The following GABBR2 variants were observed in gnomAD, a reference collection of about 807,000 sequenced individuals.
GABBR2 encodes G-protein coupled receptor 51.
GABBR2 carries 23 observed loss-of-function variants against 105.6 expected under a neutral mutation model. The ratio of observed to expected loss-of-function variants is 0.22; its 90% CI spans 0.16 to 0.31. The LOEUF (loss-of-function observed/expected upper bound fraction) is 0.31, where lower values mean the gene tolerates loss of function less well. Among genes scored for constraint, GABBR2 ranks in the 10% least tolerant of loss-of-function variants. The pLI is 1.00. For missense variants in GABBR2, 734 were observed against 1,245.5 expected (o/e 0.59, Z 6.18); for synonymous variants, 478 against 499.7 (o/e 0.96, Z 0.58).
In GABBR2 at chr9:98,462,095, G is replaced by GA. The variant is rs147833471; in HGVS notation, c.1000-7879dup. 8.9e-3 allele frequency among the ~76,000 whole-genome samples: 1,353 copies of GA among 152,246 alleles called. 20 individuals are homozygous for GA. Among genetic ancestry groups the GA allele is most frequent in the African/African-American group, 0.031 (1,278 of 41,548 alleles). On this transcript the variant is annotated intron_variant, in intron 6 of 18. Transcript: ENST00000259455. ...AATCATCAAGACAGGGTGATTTTCA[G>GA]AAAAAACTAAAATAACAAAACCAAA...
At chr9:98,607,919 A>G (rs1032577129) in intron 1 of GABBR2, 11 of 1,445,618 alleles carry the variant, frequency 7.6e-6, no homozygotes, top group Admixed American at 3.9e-5. Flanking sequence ...ATGAAGGTCA[A>G]AGAAAAAGTT....
intron 13 of GABBR2, among the ~76,000 whole-genome samples, chr9:98,332,152 T>A (rs1831038624): frequency 6.6e-6 from 1 of 152,148 alleles, no homozygotes; most frequent in African/African-American, 2.4e-5. Flanking sequence ...TTCAGAGCTC[T>A]CCAGGTGCTC....
chr9:98,687,361 A>C (rs1351930360), intron 1 of GABBR2, among the ~76,000 whole-genome samples: 1 of 152,048 alleles, frequency 6.6e-6, no homozygotes, highest in Non-Finnish European at 1.5e-5. Context: ...ACATCACCTG[A>C]GGCTTGTGAA....
At chr9:98,602,652 A>G (rs899353423) in intron 1 of GABBR2, among the ~76,000 whole-genome samples, 4 of 152,150 alleles carry the variant, frequency 2.6e-5, no homozygotes, top group African/African-American at 9.7e-5. Context: ...GATCATAATA[A>G]TCCTAAAACA....
At chr9:98,522,305 A>G (rs1052588020) in intron 3 of GABBR2, among the ~76,000 whole-genome samples, 8 of 152,154 alleles carry the variant, frequency 5.3e-5, no homozygotes, top group African/African-American at 1.7e-4. Context: ...AAAAGATATC[A>G]GAACAAAAGA....
intron 1 of GABBR2, among the ~76,000 whole-genome samples, chr9:98,584,880 C>A (rs1452541477): frequency 6.6e-6 from 1 of 152,172 alleles, no homozygotes; most frequent in African/African-American, 2.4e-5. Context: ...CCGTCCAGTG[C>A]CAGGGGTCTC....
At chr9:98,659,488 T>TC (rs1004353223) in intron 1 of GABBR2, among the ~76,000 whole-genome samples, 3 of 142,776 alleles carry the variant, frequency 2.1e-5, no homozygotes, top group African/African-American at 8.1e-5. Context: ...TTCTTCTTCT[T>TC]TTTTTTTTAA....
chr9:98,509,991 A>G (rs10819008), intron 3 of GABBR2, among the ~76,000 whole-genome samples: 49,384 of 152,152 alleles, frequency 0.32, 8,250 homozygotes, highest in Non-Finnish European at 0.34. Flanking sequence ...AGTTGAAATG[A>G]AGGAAGAAAT....
intron 1 of GABBR2, among the ~76,000 whole-genome samples, chr9:98,651,696 T>A (rs930202101): frequency 6.6e-6 from 1 of 152,122 alleles, no homozygotes; most frequent in African/African-American, 2.4e-5. Context: ...CCTCCCAAAG[T>A]GCTGGAATTA....
chr9:98,579,918 C>G (rs529915651), intron 1 of GABBR2, among the ~76,000 whole-genome samples: 41 of 152,248 alleles, frequency 2.7e-4, no homozygotes, highest in African/African-American at 8.9e-4. Context: ...GTTCTATTCC[C>G]GCAGTCAGAT....
At position 98,373,932 on chromosome 9, in the gene GABBR2, A is replaced by C. The variant is rs373267788; in HGVS notation, c.1663-2361T>G. On this transcript the variant is annotated intron_variant, in intron 11 of 18. Coordinates refer to ENST00000259455, the MANE Select transcript of GABBR2 (RefSeq NM_005458.8). ...GAGTACAGTGGTACAATCACAGCTC[A>C]TTTCAGCCTCCATCTCCAGAGCTCA... Among the ~76,000 whole-genome samples, 5 of 137,464 alleles carry C rather than the reference A, an allele frequency of 3.6e-5. No homozygotes were observed. In the South Asian group the frequency reaches 6.7e-4, roughly 18 times the overall value. 90.2% of individuals were successfully genotyped at this position (137,464 alleles called of 152,430 possible).
rs149432071 is a variant in GABBR2, at chr9:98,683,237, G to A, written c.321+25180C>T. 5.7e-4 allele frequency among the ~76,000 whole-genome samples: 87 copies of A among 152,266 alleles called. 1 individual carries two copies. The East Asian group carries it at 0.016, about 28-fold the overall frequency. Reference sequence around the variant, plus strand: ...ACCTCCCAAGTACCTGAGATTACAGGCATGGGCCGCCATGTCCAGCTAATT... The same window carrying A: ...ACCTCCCAAGTACCTGAGATTACAGACATGGGCCGCCATGTCCAGCTAATT... On this transcript the variant is annotated intron_variant, in intron 1 of 18. Transcript: ENST00000259455.
intron 13 of GABBR2, among the ~76,000 whole-genome samples, chr9:98,344,570 A>C (rs1831272520): frequency 6.6e-6 from 1 of 151,864 alleles, no homozygotes; most frequent in African/African-American, 2.4e-5. Context: ...TCCCTTTTCA[A>C]ATTCTTCCAT....
chr9:98,414,439 G>A (rs1016258243), intron 7 of GABBR2, among the ~76,000 whole-genome samples: 10 of 152,200 alleles, frequency 6.6e-5, no homozygotes, highest in Non-Finnish European at 1.0e-4. Flanking sequence ...GAATGTGACC[G>A]GCAAGGTGGA....
chr9:98,656,054 ATAAGATT>A (rs1480298479), intron 1 of GABBR2, among the ~76,000 whole-genome samples: 2 of 152,200 alleles, frequency 1.3e-5, no homozygotes, highest in Non-Finnish European at 2.9e-5. Flanking sequence ...AAGGGTTGAT[ATAAGATT>A]TAAGTTATGA....
intron 4 of GABBR2, among the ~76,000 whole-genome samples, chr9:98,483,140 C>G (rs377510256): frequency 1.3e-5 from 2 of 151,974 alleles, no homozygotes; most frequent in African/African-American, 4.8e-5. Flanking sequence ...GCCCTTTCCT[C>G]CTCCTGTGTT....
At chr9:98,703,511 G>C (rs1830857878) in intron 1 of GABBR2, among the ~76,000 whole-genome samples, 1 of 152,046 alleles carries the variant, frequency 6.6e-6, no homozygotes, top group Non-Finnish European at 1.5e-5. Context: ...TTTTATTTTT[G>C]AGACAGAGTC....
chr9:98,648,631 T>C lies in GABBR2; in HGVS notation c.321+59786A>G, dbSNP rs191810040. Among the ~76,000 whole-genome samples, 1,332 of 152,330 alleles carry C rather than the reference T, an allele frequency of 8.7e-3. 20 individuals carry two copies. The highest frequency in any genetic ancestry group is 0.03 in the African/African-American group (1,247 of 41,578). On this transcript the variant is annotated intron_variant, in intron 1 of 18. Coordinates refer to ENST00000259455, the MANE Select transcript of GABBR2 (RefSeq NM_005458.8). ...CTCAGTTTCTTCTTCTGTCACATGA[T>C]GGGTCTGGACTAGATCAGGGGTTAC...
At chr9:98,565,954 C>T (rs534254294) in intron 2 of GABBR2, among the ~76,000 whole-genome samples, 2 of 152,348 alleles carry the variant, frequency 1.3e-5, no homozygotes, top group South Asian at 2.1e-4. Context: ...CCACATGCAC[C>T]CGTGTGTCTG....
Sources: gnomAD v4.1 joint callset for allele counts (sites outside exome capture counted in the v4.1 genomes callset) on GRCh38, gnomAD v4.1.1 for gene constraint, MANE v1.5 for transcripts, NCBI Gene and HGNC (gene_info 2026-07-23, HGNC 2026-07-21) for gene names.